ERC2: variants seen among roughly 807,000 people sequenced by gnomAD.
ERC2 encodes the protein ELKS/RAB6-interacting/CAST family member 2, also known as ERC protein 2.
A neutral mutation model predicts 114.8 loss-of-function variants in ERC2; 42 were observed. That is an observed-to-expected ratio of 0.37 (90% confidence interval 0.29 to 0.47). ERC2 has a LOEUF of 0.47. Ranked by LOEUF, ERC2 falls within the 20% of genes least tolerant of loss-of-function variation. ERC2 has a pLI of 0.99. For missense variants in ERC2, 939 were observed against 1,150.7 expected (o/e 0.82, Z 2.66); for synonymous variants, 454 against 425.5 (o/e 1.07, Z -0.82).
At position 55,536,675 on chromosome 3, in the gene ERC2, C is replaced by T. The variant is rs139375431; in HGVS notation, c.*40-25399G>A. 8.7e-4 allele frequency among the ~76,000 whole-genome samples: 133 copies of T among 152,244 alleles called. 2 individuals are homozygous for T. Among genetic ancestry groups the T allele is most frequent in the Middle Eastern group, 3.4e-3 (1 of 292 alleles). ...TAGTAATAAATCTGAACTTCCTGGC[C>T]CCTGCTAAGGGGCTACACTAAACAA... is the stretch of plus-strand genomic sequence containing the variant. On this transcript the variant is annotated intron_variant, in intron 17 of 17. Transcript: ENST00000288221.
At chr3:55,713,638 A>G (rs2063914246) in intron 15 of ERC2, among the ~76,000 whole-genome samples, 1 of 152,188 alleles carries the variant, frequency 6.6e-6, no homozygotes, top group Admixed American at 6.5e-5. Context: ...CATGGCTTTG[A>G]TGCATCCTAT....
At chr3:56,122,676 G>A (rs1479632484) in intron 6 of ERC2, among the ~76,000 whole-genome samples, 1 of 152,160 alleles carries the variant, frequency 6.6e-6, no homozygotes. Context: ...CCAGAAAACT[G>A]TAGGCAATAG....
intron 10 of ERC2, among the ~76,000 whole-genome samples, chr3:55,998,264 CAT>C (rs1054323967): frequency 2.4e-4 from 37 of 152,116 alleles, no homozygotes; most frequent in African/African-American, 8.9e-4. Context: ...CACACACACA[CAT>C]ACACACAAAA....
chr3:55,517,023 T>C (rs1195508426), intron 17 of ERC2, among the ~76,000 whole-genome samples: 3 of 152,216 alleles, frequency 2.0e-5, no homozygotes, highest in Admixed American at 1.3e-4. Flanking sequence ...GCGACCATTC[T>C]CTCCAGAGAC....
At chr3:56,397,350 A>T (rs1408651325) in intron 2 of ERC2, among the ~76,000 whole-genome samples, 1 of 62,572 alleles carries the variant, frequency 1.6e-5, no homozygotes, top group Non-Finnish European at 3.5e-5. Flanking sequence ...ATCTGTCTTA[A>T]AAAAAAAAAA....
At chr3:55,787,222 C>G (rs546966483) in intron 14 of ERC2, among the ~76,000 whole-genome samples, 1 of 152,138 alleles carries the variant, frequency 6.6e-6, no homozygotes, top group African/African-American at 2.4e-5. Context: ...TTGAGACCAG[C>G]CCAGGAAATA....
intron 17 of ERC2, among the ~76,000 whole-genome samples, chr3:55,677,643 G>A (rs1409365783): frequency 6.6e-6 from 1 of 152,208 alleles, no homozygotes; most frequent in South Asian, 2.1e-4. Flanking sequence ...ACTTACCCAC[G>A]ATCATCCAAA....
intron 3 of ERC2, among the ~76,000 whole-genome samples, chr3:56,203,182 C>T (rs1165098495): frequency 6.6e-6 from 1 of 152,204 alleles, no homozygotes; most frequent in East Asian, 1.9e-4. Flanking sequence ...CCATTACCAG[C>T]TTATCAGAGA....
intron 17 of ERC2, among the ~76,000 whole-genome samples, chr3:55,580,718 T>C (rs1185109882): frequency 6.6e-6 from 1 of 152,202 alleles, no homozygotes; most frequent in Non-Finnish European, 1.5e-5. Context: ...GGAACATTAT[T>C]GGTTTGTTAA....
At chr3:56,186,495 A>T (rs1007870542) in intron 3 of ERC2, among the ~76,000 whole-genome samples, 1 of 151,956 alleles carries the variant, frequency 6.6e-6, no homozygotes, top group Admixed American at 6.6e-5. Flanking sequence ...TTCTTACTAC[A>T]GGGTCCTTTT....
intron 3 of ERC2, among the ~76,000 whole-genome samples, chr3:56,214,006 G>A (rs6445775): frequency 0.45 from 68,214 of 151,908 alleles, 15,858 homozygotes; most frequent in East Asian, 0.71. Flanking sequence ...CCATCTGTAC[G>A]TCACCATCAT....
At chr3:56,021,050 G>T (rs2073680301) in intron 7 of ERC2, among the ~76,000 whole-genome samples, 1 of 152,076 alleles carries the variant, frequency 6.6e-6, no homozygotes, top group South Asian at 2.1e-4. Context: ...CTGCAGGTGT[G>T]ACTGACTAAC....
chr3:55,699,323 T>C (rs2063102296), intron 16 of ERC2, 55 bp downstream of exon 16: 1 of 1,599,388 alleles, frequency 6.3e-7, no homozygotes, highest in Middle Eastern at 2.1e-4. Flanking sequence ...TTATTTTATC[T>C]TAAAATATCT....
chr3:56,042,152 GT>G (rs1191699609), intron 7 of ERC2, among the ~76,000 whole-genome samples: 1 of 152,068 alleles, frequency 6.6e-6, no homozygotes, highest in Admixed American at 6.6e-5. Flanking sequence ...TGCACATATA[GT>G]TATACATTCC....
At chr3:55,929,547 A>T (rs1456916693) in intron 13 of ERC2, among the ~76,000 whole-genome samples, 1 of 152,246 alleles carries the variant, frequency 6.6e-6, no homozygotes, top group Admixed American at 6.5e-5. Flanking sequence ...GGAAAGAAAA[A>T]AGTGGACAAA....
At chr3:56,090,702 T>C (rs2077739901) in intron 6 of ERC2, among the ~76,000 whole-genome samples, 1 of 151,236 alleles carries the variant, frequency 6.6e-6, no homozygotes, top group South Asian at 2.1e-4. Flanking sequence ...TGTTACGTAA[T>C]GGTGAGGTTT....
chr3:55,865,417 T>G (rs968467150), intron 14 of ERC2, among the ~76,000 whole-genome samples: 1 of 152,176 alleles, frequency 6.6e-6, no homozygotes, highest in African/African-American at 2.4e-5. Context: ...CGTATGTCTT[T>G]GCAGATTTCG....
chr3:56,318,273 A>G (rs2056962955), intron 2 of ERC2, among the ~76,000 whole-genome samples: 1 of 152,064 alleles, frequency 6.6e-6, no homozygotes, highest in Non-Finnish European at 1.5e-5. Flanking sequence ...TACAGCCTCA[A>G]CCTCCTGGGC....
intron 17 of ERC2, among the ~76,000 whole-genome samples, chr3:55,670,907 A>G (rs934217302): frequency 5.3e-5 from 8 of 152,216 alleles, no homozygotes; most frequent in South Asian, 2.1e-4. Context: ...GTCCATAAAT[A>G]TAGTTTACAG....
Sources: allele counts gnomAD v4.1 joint callset (sites outside exome capture counted in the v4.1 genomes callset), GRCh38; gene constraint gnomAD v4.1.1; transcripts MANE v1.5; gene names NCBI Gene and HGNC (gene_info 2026-07-23, HGNC 2026-07-21).